Variants in SCAMP1 observed in about 807,000 individuals in gnomAD.
SCAMP1 encodes the protein secretory carrier membrane protein 1, also known as secretory carrier-associated membrane protein 1.
SCAMP1 carries 15 observed loss-of-function variants against 41.8 expected under a neutral mutation model. The observed-to-expected ratio is 0.36, with a 90% CI of 0.24 to 0.55. The LOEUF (loss-of-function observed/expected upper bound fraction) is 0.55. Ranked by LOEUF, SCAMP1 falls within the 20% of genes least tolerant of loss-of-function variation. The pLI, the probability that SCAMP1 is intolerant of heterozygous loss-of-function variation, is 0.86. For synonymous variants in SCAMP1, 135 were observed against 136.8 expected, an observed-to-expected ratio of 0.99 and a Z score of 0.09; for missense variants, 341 against 412.6, an observed-to-expected ratio of 0.83 and a Z score of 1.50.
At chr5:78,366,493 G>A (rs1225251578) in intron 1 of SCAMP1, among the ~76,000 whole-genome samples, 1 of 152,056 alleles carries the variant, frequency 6.6e-6, no homozygotes, top group Non-Finnish European at 1.5e-5. Context: ...TGAGAGCAGA[G>A]CCCTGCTGAC....
chr5:78,361,641 CTT>C (rs1750656233), intron 1 of SCAMP1, among the ~76,000 whole-genome samples: 3 of 152,254 alleles, frequency 2.0e-5, no homozygotes, highest in Non-Finnish European at 4.4e-5. Flanking sequence ...ATAACTCTCT[CTT>C]TGAAAGTATT....
In SCAMP1 at chr5:78,479,013, C is replaced by A. The variant is rs1446488380; in HGVS notation, c.*3345C>A. On this transcript the variant is annotated 3_prime_UTR_variant, in exon 9 of 9. Coordinates refer to ENST00000621999, the MANE Select transcript of SCAMP1 (RefSeq NM_004866.6). The stretch of plus-strand genomic sequence containing the variant: ...ATTTGTAATAGCATAGTGCTTTTTA[C>A]TCATTGCTGTATCTTTTTCTGAAAA... The A allele has an allele frequency of 6.6e-6, 1 of 152,102 alleles. No individual in the cohort carries two copies. The highest frequency in any genetic ancestry group is 2.4e-5 in the African/African-American group (1 of 41,438). The allele number at this position is 152,102 out of a possible 1,614,324, so 9.4% of individuals were successfully genotyped here.
chr5:78,452,464 T>TA (rs1171519322), intron 7 of SCAMP1, among the ~76,000 whole-genome samples: 2 of 128,558 alleles, frequency 1.6e-5, no homozygotes, highest in African/African-American at 6.0e-5. Flanking sequence ...TTGCGATAGT[T>TA]TACTGAGAAT....
At chr5:78,458,654 G>T (rs1278686723) in intron 7 of SCAMP1, among the ~76,000 whole-genome samples, 1 of 152,196 alleles carries the variant, frequency 6.6e-6, no homozygotes, top group African/African-American at 2.4e-5. Flanking sequence ...GGCCGAGTCA[G>T]GTGGATCACG....
chr5:78,457,540 G>C (rs548378323), intron 7 of SCAMP1, among the ~76,000 whole-genome samples: 1 of 152,104 alleles, frequency 6.6e-6, no homozygotes, highest in African/African-American at 2.4e-5. Context: ...CAGTCTGCCC[G>C]TTCTCAGATC....
chr5:78,411,874 A>G (rs889409797), intron 2 of SCAMP1, among the ~76,000 whole-genome samples: 1 of 152,158 alleles, frequency 6.6e-6, no homozygotes, highest in Non-Finnish European at 1.5e-5. Flanking sequence ...TACATGTACT[A>G]GTGTATAATC....
chr5:78,419,186 C>A (rs1255806700), intron 5 of SCAMP1, among the ~76,000 whole-genome samples: 2 of 152,042 alleles, frequency 1.3e-5, no homozygotes, highest in African/African-American at 4.8e-5. Flanking sequence ...TTATAAGATT[C>A]TTTTTCCTTG....
At chr5:78,463,202 C>T (rs375206675) in intron 8 of SCAMP1, among the ~76,000 whole-genome samples, 2 of 152,196 alleles carry the variant, frequency 1.3e-5, no homozygotes, top group African/African-American at 4.8e-5. Context: ...ATCCCTTTTC[C>T]AGTTTTCCTC....
At chr5:78,404,376 G>A (rs1490846759) in intron 2 of SCAMP1, among the ~76,000 whole-genome samples, 1 of 150,188 alleles carries the variant, frequency 6.7e-6, no homozygotes, top group East Asian at 2.0e-4. Flanking sequence ...CAAACGCCTG[G>A]GCTCAAACAG....
chr5:78,453,794 G>A (rs1004521652), intron 7 of SCAMP1, among the ~76,000 whole-genome samples: 31 of 152,100 alleles, frequency 2.0e-4, no homozygotes, highest in East Asian at 1.4e-3. Flanking sequence ...CCATTTTCAC[G>A]ATATTGATTC....
intron 6 of SCAMP1, among the ~76,000 whole-genome samples, chr5:78,430,449 G>A (rs1752591508): frequency 6.6e-6 from 1 of 150,914 alleles, no homozygotes; most frequent in Non-Finnish European, 1.5e-5. Flanking sequence ...CATATTTTCT[G>A]GCAAGATTGA....
At position 78,418,145 on chromosome 5, in the gene SCAMP1, A is replaced by G. The variant is rs140952651; in HGVS notation, c.344-630A>G. 3.4e-3 allele frequency among the ~76,000 whole-genome samples: 512 copies of G among 152,054 alleles called. 4 individuals are homozygous for G. The highest frequency in any genetic ancestry group is 0.012 in the African/African-American group (486 of 41,470). On this transcript the variant is annotated intron_variant, in intron 4 of 8. Transcript: ENST00000621999. The stretch of plus-strand genomic sequence containing the variant: ...TTTTCTCTGCATTTTTAAAGGTTCT[A>G]TAATTCTTCAGCTTCCTTATCATGA...
intron 6 of SCAMP1, among the ~76,000 whole-genome samples, chr5:78,431,145 T>C (rs1465354950): frequency 6.6e-6 from 1 of 151,980 alleles, no homozygotes; most frequent in Non-Finnish European, 1.5e-5. Flanking sequence ...TAAGAAACCA[T>C]ATAGATATAA....
chr5:78,445,256 G>T (rs1254555710), intron 6 of SCAMP1, among the ~76,000 whole-genome samples: 1 of 152,150 alleles, frequency 6.6e-6, no homozygotes, highest in Non-Finnish European at 1.5e-5. Flanking sequence ...CAGCTTGACT[G>T]TGGAAGACAT....
At chr5:78,385,411 T>C (rs575333525) in intron 1 of SCAMP1, among the ~76,000 whole-genome samples, 12 of 152,262 alleles carry the variant, frequency 7.9e-5, no homozygotes, top group African/African-American at 2.4e-4. Flanking sequence ...TTTTGATTCT[T>C]TTATCTTTTG....
At chr5:78,388,532 A>T (rs962711967) in intron 1 of SCAMP1, among the ~76,000 whole-genome samples, 6 of 152,208 alleles carry the variant, frequency 3.9e-5, no homozygotes, top group African/African-American at 1.2e-4. Flanking sequence ...TCTACCTGAG[A>T]TGCTTTTGTG....
intron 8 of SCAMP1, among the ~76,000 whole-genome samples, chr5:78,461,941 G>A (rs1363832206): frequency 6.6e-6 from 1 of 152,010 alleles, no homozygotes; most frequent in Admixed American, 6.6e-5. Context: ...GACTCTTTTT[G>A]GTTCCATATG....
At chr5:78,431,165 G>A (rs1219549372) in intron 6 of SCAMP1, among the ~76,000 whole-genome samples, 1 of 151,774 alleles carries the variant, frequency 6.6e-6, no homozygotes, top group Non-Finnish European at 1.5e-5. Flanking sequence ...ACATTGCTAG[G>A]AATTTTAAAA....
At chr5:78,414,435 G>T (rs560575259) in intron 2 of SCAMP1, among the ~76,000 whole-genome samples, 5 of 151,320 alleles carry the variant, frequency 3.3e-5, no homozygotes, top group African/African-American at 9.7e-5. Flanking sequence ...GGCGCCCGCC[G>T]CCACACCTGG....
Sources: gnomAD v4.1 joint callset for allele counts (sites outside exome capture counted in the v4.1 genomes callset) on GRCh38, gnomAD v4.1.1 for gene constraint, MANE v1.5 for transcripts, NCBI Gene and HGNC (gene_info 2026-07-23, HGNC 2026-07-21) for gene names.